RIMS2: variants seen among roughly 807,000 people sequenced by gnomAD.
The protein encoded by RIMS2 is regulating synaptic membrane exocytosis 2.
In RIMS2, 59 loss-of-function variants were observed where a neutral mutation model predicts 174.4. The ratio of observed to expected loss-of-function variants is 0.34; its 90% CI spans 0.27 to 0.42. The LOEUF (loss-of-function observed/expected upper bound fraction) is 0.42, where lower values mean the gene tolerates loss of function less well. RIMS2 is among the 10% of genes least tolerant of loss of function. The pLI, the probability that RIMS2 is intolerant of heterozygous loss-of-function variation, is 1.00. For missense variants in RIMS2, 1,620 were observed against 1,666.3 expected, an observed-to-expected ratio of 0.97 and a Z score of 0.48; for synonymous variants, 606 against 572.5, an observed-to-expected ratio of 1.06 and a Z score of -0.84.
At chr8:103,575,210 G>T (rs1056187876) in intron 1 of RIMS2, among the ~76,000 whole-genome samples, 2 of 152,120 alleles carry the variant, frequency 1.3e-5, no homozygotes, top group South Asian at 4.1e-4. Flanking sequence ...TTCATTAGTC[G>T]CAGTGGGAAT....
intron 19 of RIMS2, among the ~76,000 whole-genome samples, chr8:104,217,211 A>G (rs2099134005): frequency 6.6e-6 from 1 of 152,172 alleles, no homozygotes; most frequent in South Asian, 2.1e-4. Flanking sequence ...CATTGCAGAG[A>G]TAATGAAAAT....
chr8:103,507,755 A>T (rs1385763638), intron 1 of RIMS2, among the ~76,000 whole-genome samples: 3 of 152,060 alleles, frequency 2.0e-5, no homozygotes, highest in African/African-American at 7.2e-5. Flanking sequence ...AAATTTAAGG[A>T]ATATTAGGAA....
At chr8:103,672,753 C>CCAAACT in intron 1 of RIMS2, among the ~76,000 whole-genome samples, 1 of 152,060 alleles carries the variant, frequency 6.6e-6, no homozygotes, top group African/African-American at 2.4e-5. Flanking sequence ...CAAACTATAT[C>CCAAACT]ATTCCATCCC....
Position 104,155,149 on chromosome 8 carries a change from C to T in RIMS2, c.3335-89767C>T, listed in dbSNP as rs191241164. Among the ~76,000 whole-genome samples, 877 of 152,156 alleles carry T rather than the reference C, an allele frequency of 5.8e-3. 6 individuals are homozygous for T. Among genetic ancestry groups the T allele is most frequent in the African/African-American group, 0.02 (845 of 41,504 alleles). Reference sequence around the variant, plus strand: ...TGAGATGGAGTCTCGCTCTGTCTCCCAGGCTGGGGTGCAGTAGTGCGATCT... The same window carrying T: ...TGAGATGGAGTCTCGCTCTGTCTCCTAGGCTGGGGTGCAGTAGTGCGATCT... On this transcript the variant is annotated intron_variant, in intron 19 of 23. Transcript: ENST00000504942.
chr8:103,840,741 A>G (rs2098934688), intron 3 of RIMS2, among the ~76,000 whole-genome samples: 2 of 152,180 alleles, frequency 1.3e-5, no homozygotes, highest in South Asian at 4.1e-4. Context: ...GTTTTAAGGC[A>G]ATGACAGTTC....
intron 19 of RIMS2, among the ~76,000 whole-genome samples, chr8:104,029,674 T>A (rs933187526): frequency 5.3e-5 from 8 of 152,080 alleles, no homozygotes; most frequent in African/African-American, 1.9e-4. Flanking sequence ...ATAGGCTGAC[T>A]ATTTTTAAAA....
chr8:103,819,392 T>TGTTTTTA, intron 3 of RIMS2: 1 of 1,570,376 alleles, frequency 6.4e-7, no homozygotes, highest in Non-Finnish European at 8.5e-7. Flanking sequence ...TTTACAGAGC[T>TGTTTTTA]CAGGAGAAAT....
intron 19 of RIMS2, among the ~76,000 whole-genome samples, chr8:104,165,532 C>T (rs1201196572): frequency 6.6e-6 from 1 of 151,764 alleles, no homozygotes; most frequent in Admixed American, 6.6e-5. Flanking sequence ...AAACCTTATG[C>T]TGTCTCTGTA....
chr8:103,912,467 G>A, intron 6 of RIMS2, among the ~76,000 whole-genome samples: 1 of 152,076 alleles, frequency 6.6e-6, no homozygotes, highest in Admixed American at 6.5e-5. Flanking sequence ...TAATTATACA[G>A]TTTATTCTTT....
At chr8:104,115,125 T>C (rs2098259264) in intron 19 of RIMS2, among the ~76,000 whole-genome samples, 1 of 152,132 alleles carries the variant, frequency 6.6e-6, no homozygotes, top group South Asian at 2.1e-4. Flanking sequence ...TAAAATGAAA[T>C]GTTAATAATG....
chr8:104,195,513 C>G (rs1322159577), intron 19 of RIMS2, among the ~76,000 whole-genome samples: 1 of 88,124 alleles, frequency 1.1e-5, no homozygotes, highest in Non-Finnish European at 2.1e-5. Flanking sequence ...AATTTTATCT[C>G]CTTTTTTTTT....
chr8:103,551,951 A>G (rs980636221), intron 1 of RIMS2, among the ~76,000 whole-genome samples: 13 of 152,222 alleles, frequency 8.5e-5, no homozygotes, highest in Non-Finnish European at 1.9e-4. Flanking sequence ...GAAATAAAAG[A>G]GGACATAAAC....
At chr8:104,140,001 C>G (rs932089933) in intron 19 of RIMS2, among the ~76,000 whole-genome samples, 1 of 152,086 alleles carries the variant, frequency 6.6e-6, no homozygotes, top group Non-Finnish European at 1.5e-5. Context: ...AATGCTTTTT[C>G]AGCATCAGTT....
rs569165971 is a variant in RIMS2 at position 104,094,119 on chromosome 8, TAA to T, written c.3334+79505_3334+79506del. ...CAAGAAAATTTATACATATAGTATA[TAA>T]GTTAGTATAATTTGCATTTCTTACT... On this transcript the variant is annotated intron_variant, in intron 19 of 23. Transcript: ENST00000504942. Among the ~76,000 whole-genome samples, 168 of 152,120 alleles carry T rather than the reference TAA, an allele frequency of 1.1e-3. 1 individual carries two copies. The highest frequency in any genetic ancestry group is 2.0e-3 in the Non-Finnish European group (134 of 67,918).
chr8:104,114,011 A>T (rs758148273), intron 19 of RIMS2, among the ~76,000 whole-genome samples: 24 of 151,998 alleles, frequency 1.6e-4, no homozygotes, highest in Non-Finnish European at 2.5e-4. Flanking sequence ...TTTTCTTTTA[A>T]TGTGGGTTGA....
At chr8:104,193,050 CCT>C (rs367963342) in intron 19 of RIMS2, among the ~76,000 whole-genome samples, 7 of 149,782 alleles carry the variant, frequency 4.7e-5, no homozygotes, top group African/African-American at 9.8e-5. Context: ...TTTCTCCTCC[CCT>C]CTCTCTCTCT....
At chr8:104,144,080 A>G (rs2098608096) in intron 19 of RIMS2, among the ~76,000 whole-genome samples, 1 of 152,148 alleles carries the variant, frequency 6.6e-6, no homozygotes, top group South Asian at 2.1e-4. Context: ...TATTTGGGGA[A>G]TACTTGTGTT....
At chr8:103,897,116 C>G (rs1388610286) in intron 4 of RIMS2, among the ~76,000 whole-genome samples, 1 of 151,660 alleles carries the variant, frequency 6.6e-6, no homozygotes, top group Non-Finnish European at 1.5e-5. Context: ...TCCAGACATC[C>G]TTTTCTTCAA....
exon 3 of RIMS2, chr8:103,766,269 C>T (rs1204034240): frequency 6.2e-7 from 1 of 1,613,222 alleles, no homozygotes; most frequent in Non-Finnish European, 8.5e-7. Context: ...ACAAGAAATC[C>T]TCACTAAATC....
Sources: allele counts gnomAD v4.1 joint callset (sites outside exome capture counted in the v4.1 genomes callset), GRCh38; gene constraint gnomAD v4.1.1; transcripts MANE v1.5; gene names NCBI Gene and HGNC (gene_info 2026-07-23, HGNC 2026-07-21).